Variants in GALNTL6 observed in about 807,000 individuals in gnomAD.
GALNTL6 encodes polypeptide N-acetylgalactosaminyltransferase like 6, also known as polypeptide N-acetylgalactosaminyltransferase-like 6.
Under a neutral mutation model 73.7 loss-of-function variants are expected in GALNTL6, and 46 were observed. The ratio of observed to expected loss-of-function variants is 0.62; its 90% CI spans 0.49 to 0.80. The LOEUF (loss-of-function observed/expected upper bound fraction) is 0.80. Ranked by LOEUF, GALNTL6 falls within the 30% of genes least tolerant of loss-of-function variation. The probability of loss-of-function intolerance (pLI) is 0.00; values close to 1 mark genes in which losing one functional copy is unlikely to be tolerated. For synonymous variants in GALNTL6, 259 were observed against 263.7 expected (o/e 0.98, Z 0.17); for missense variants, 604 against 755.0 (o/e 0.80, Z 2.34).
chr4:173,004,838 C>A (rs1752204792), intron 10 of GALNTL6, among the ~76,000 whole-genome samples: 1 of 152,070 alleles, frequency 6.6e-6, no homozygotes. Flanking sequence ...TGCTGTATAC[C>A]TGGTTTCCAG....
At chr4:172,202,891 A>C (rs1317370572) in intron 2 of GALNTL6, among the ~76,000 whole-genome samples, 1 of 152,228 alleles carries the variant, frequency 6.6e-6, no homozygotes, top group Admixed American at 6.5e-5. Context: ...AAACATTTTA[A>C]TTGAGTTTTG....
intron 5 of GALNTL6, among the ~76,000 whole-genome samples, chr4:172,762,825 A>T (rs2110832354): frequency 6.6e-6 from 1 of 151,240 alleles, no homozygotes; most frequent in South Asian, 2.1e-4. Context: ...ACATCGATTT[A>T]TGCATTCCTC....
In GALNTL6 at chr4:172,586,340, A is replaced by C. The variant is rs1737406861; in HGVS notation, c.554-223021A>C. On this transcript the variant is annotated intron_variant, in intron 5 of 12. Coordinates refer to ENST00000506823, the MANE Select transcript of GALNTL6 (RefSeq NM_001034845.3). ...ACATGAAACAGTTGTAAGCTGTAAA[A>C]CCTACAGAAGGGATGATTGTTGCTA... Among the ~76,000 whole-genome samples the C allele has an allele frequency of 2.6e-5, 4 of 152,288 alleles. No individual in the cohort carries two copies. The South Asian group carries it at 8.3e-4, about 32-fold the overall frequency.
intron 2 of GALNTL6, among the ~76,000 whole-genome samples, chr4:172,159,993 T>C (rs979058459): frequency 6.6e-6 from 1 of 152,066 alleles, no homozygotes; most frequent in Non-Finnish European, 1.5e-5. Context: ...TCACAGTAGA[T>C]GCCACAATGT....
At chr4:172,379,278 C>A (rs1367290122) in intron 5 of GALNTL6, among the ~76,000 whole-genome samples, 1 of 152,112 alleles carries the variant, frequency 6.6e-6, no homozygotes, top group African/African-American at 2.4e-5. Flanking sequence ...CGCCTGTAAT[C>A]CCAGCACTTT....
chr4:172,262,761 G>A (rs986312872), intron 3 of GALNTL6, among the ~76,000 whole-genome samples: 15 of 151,510 alleles, frequency 9.9e-5, no homozygotes, highest in African/African-American at 2.9e-4. Flanking sequence ...CTATTTTGAT[G>A]TTTTGTTTCA....
intron 2 of GALNTL6, among the ~76,000 whole-genome samples, chr4:171,975,792 C>T (rs1372275318): frequency 6.6e-6 from 1 of 152,052 alleles, no homozygotes; most frequent in Non-Finnish European, 1.5e-5. Context: ...CTGTTAGTAA[C>T]TAAAATTATT....
At chr4:171,936,844 T>A (rs1354858268) in intron 2 of GALNTL6, among the ~76,000 whole-genome samples, 1 of 152,156 alleles carries the variant, frequency 6.6e-6, no homozygotes, top group Non-Finnish European at 1.5e-5. Context: ...AAATATACGT[T>A]AAGCCTCTAA....
chr4:172,145,101 C>G (rs1733894487), intron 2 of GALNTL6, among the ~76,000 whole-genome samples: 1 of 151,950 alleles, frequency 6.6e-6, no homozygotes, highest in South Asian at 2.1e-4. Flanking sequence ...GGGACCACAG[C>G]TGGGAGCCAC....
chr4:172,305,963 C>T (rs2654775), intron 3 of GALNTL6, among the ~76,000 whole-genome samples: 151,017 of 152,314 alleles, frequency 0.99, 74,880 homozygotes, highest in Middle Eastern at 1. Flanking sequence ...TGTGTAGCTT[C>T]AAATTTTTAT....
At chr4:171,819,248 G>A (rs1316073378) in intron 2 of GALNTL6, among the ~76,000 whole-genome samples, 10 of 152,022 alleles carry the variant, frequency 6.6e-5, no homozygotes, top group Admixed American at 3.9e-4. Flanking sequence ...TATGGAAAAT[G>A]CATTCAGAAT....
intron 3 of GALNTL6, among the ~76,000 whole-genome samples, chr4:172,295,531 GTTTTTTTTTTT>G (rs58721038): frequency 1.4e-5 from 1 of 73,164 alleles, no homozygotes; most frequent in Non-Finnish European, 2.4e-5. Flanking sequence ...CTTTTTTTAG[GTTTTTTTTTTT>G]TTTTTTTTTT....
At chr4:172,765,977 A>T (rs554355675) in intron 5 of GALNTL6, among the ~76,000 whole-genome samples, 21 of 152,288 alleles carry the variant, frequency 1.4e-4, no homozygotes, top group African/African-American at 3.9e-4. Flanking sequence ...TTAGAGAAAG[A>T]AAAAAGGAAA....
rs116526510 is a variant in GALNTL6, at chr4:172,501,876, G to A, written c.553+153187G>A. On this transcript the variant is annotated intron_variant, in intron 5 of 12. Coordinates refer to ENST00000506823, the MANE Select transcript of GALNTL6 (RefSeq NM_001034845.3). ...ATTATAATGGTGCATCTGAACACAG[G>A]TACAATTGTAGTTTCGATAAAAATT... is the stretch of plus-strand genomic sequence containing the variant. 2.4e-3 allele frequency among the ~76,000 whole-genome samples: 366 copies of A among 152,148 alleles called. 2 individuals carry two copies. The highest frequency in any genetic ancestry group is 4.4e-3 in the Non-Finnish European group (297 of 67,958).
intron 2 of GALNTL6, among the ~76,000 whole-genome samples, chr4:172,140,456 T>C (rs1045282378): frequency 1.5e-4 from 23 of 152,206 alleles, no homozygotes; most frequent in African/African-American, 4.6e-4. Flanking sequence ...ATTTACTTTG[T>C]GCCAGTCATT....
At chr4:172,920,278 C>A (rs1010515042) in intron 8 of GALNTL6, among the ~76,000 whole-genome samples, 1 of 152,134 alleles carries the variant, frequency 6.6e-6, no homozygotes, top group African/African-American at 2.4e-5. Flanking sequence ...TTCTCGCTAT[C>A]TCAGAGAATA....
At chr4:172,014,684 TA>T (rs1376011646) in intron 2 of GALNTL6, among the ~76,000 whole-genome samples, 1 of 152,094 alleles carries the variant, frequency 6.6e-6, no homozygotes, top group Admixed American at 6.6e-5. Flanking sequence ...TGTAGGCATG[TA>T]ATGCTATGAA....
chr4:172,055,890 A>G (rs1731006226), intron 2 of GALNTL6, among the ~76,000 whole-genome samples: 3 of 152,242 alleles, frequency 2.0e-5, no homozygotes, highest in Admixed American at 6.5e-5. Flanking sequence ...AGCTTGGGGG[A>G]AAATGGACAG....
chr4:172,771,205 G>T (rs970291180), intron 5 of GALNTL6, among the ~76,000 whole-genome samples: 10 of 152,104 alleles, frequency 6.6e-5, no homozygotes, highest in African/African-American at 1.7e-4. Context: ...CAATCACCTG[G>T]CATGAACTCT....
Sources: gnomAD v4.1 joint callset for allele counts (sites outside exome capture counted in the v4.1 genomes callset) on GRCh38, gnomAD v4.1.1 for gene constraint, MANE v1.5 for transcripts, NCBI Gene and HGNC (gene_info 2026-07-23, HGNC 2026-07-21) for gene names.